Variants in IRX6 observed in about 807,000 individuals in gnomAD.
IRX6 encodes the protein iroquois homeobox 6.
In IRX6, 46 loss-of-function variants were observed where a neutral mutation model predicts 47.7. That is an observed-to-expected ratio of 0.96 (90% confidence interval 0.76 to 1.23). The LOEUF (loss-of-function observed/expected upper bound fraction) is 1.23, where lower values mean the gene tolerates loss of function less well. Ranked by LOEUF, IRX6 falls within the 50% of genes most tolerant of loss-of-function variation. The probability of loss-of-function intolerance (pLI) is 0.00; values close to 1 mark genes in which losing one functional copy is unlikely to be tolerated. For missense variants in IRX6, 722 were observed against 588.0 expected, an observed-to-expected ratio of 1.23 and a Z score of -2.36; for synonymous variants, 265 against 246.2, an observed-to-expected ratio of 1.08 and a Z score of -0.72.
Position 55,327,324 on chromosome 16 carries a change from C to G in IRX6, c.332C>G (p.Ala111Gly). Reference sequence around the variant, plus strand: ...CCACAGTATGAATTTAAGGAGGCTGCAGGGAGTTTTACATCCAGCCTGGCA... The same window carrying G: ...CCACAGTATGAATTTAAGGAGGCTGGAGGGAGTTTTACATCCAGCCTGGCA... ...LNPQYEFKEA[A>G]GSFTSSLAQP... The change falls in exon 3 of 6, where the codon GCA becomes GGA. Residue 111 changes from alanine (A) to glycine (G), a missense_variant. Physicochemically the swap from Ala to Gly is moderately conservative, Grantham distance 60. Coordinates refer to ENST00000290552, the MANE Select transcript of IRX6 (RefSeq NM_024335.3). 1 of 1,613,798 alleles carries G rather than the reference C, an allele frequency of 6.2e-7. No homozygotes were observed. Among genetic ancestry groups the G allele is most frequent in the Non-Finnish European group, 8.5e-7 (1 of 1,179,744 alleles).
Position 55,329,002 on chromosome 16 carries a change from C to A in IRX6, c.1024C>A (p.His342Asn), listed in dbSNP as rs201529067. The A allele has an allele frequency of 7.9e-5, 127 of 1,613,806 alleles. No homozygotes were observed. Among genetic ancestry groups the A allele is most frequent in the Non-Finnish European group, 1.1e-4 (126 of 1,180,002 alleles). ...GACAGGCAGCCCTAGGTTGACCATG[C>A]ACTACCCATGCTTGGAGAAACCGCG... ...AETGSPRLTM[H>N]YPCLEKPRIW... Residue 342 changes from histidine to asparagine, a missense_variant, in exon 5 of 6, where the codon CAC becomes AAC. Physicochemically the swap from His to Asn is moderately conservative, Grantham distance 68. Transcript: ENST00000290552.
Position 55,330,551 on chromosome 16 carries a change from G to A in IRX6, c.*246G>A. 2 of 566,832 alleles carry A rather than the reference G, an allele frequency of 3.5e-6. No individual in the cohort carries two copies. The highest frequency in any genetic ancestry group is 6.3e-6 in the Non-Finnish European group (2 of 317,630). 35.1% of individuals were successfully genotyped at this position (566,832 alleles called of 1,614,324 possible). ...CTTGGGGAAGGCCAAGTGGGAGGCTGGGAGGCTGCCCCACCCACCGACTCT... is the reference window on the plus strand; with the variant it reads ...CTTGGGGAAGGCCAAGTGGGAGGCTAGGAGGCTGCCCCACCCACCGACTCT... On this transcript the variant is annotated 3_prime_UTR_variant, in exon 6 of 6. Coordinates refer to ENST00000290552, the MANE Select transcript of IRX6 (RefSeq NM_024335.3).
At position 55,325,530 on chromosome 16, in the gene IRX6, G is replaced by GGAAGGAAAGAGAGAGA. The variant is rs1491427085; in HGVS notation, c.45+396_45+397insAGGAAAGAGAGAGAGA. On this transcript the variant is annotated intron_variant, in intron 1 of 5. Coordinates refer to ENST00000290552, the MANE Select transcript of IRX6 (RefSeq NM_024335.3). The stretch of plus-strand genomic sequence containing the variant: ...AGGAAGGAAGGAAGGAAGGAAGGAA[G>GGAAGGAAAGAGAGAGA]GAGAGAGAGAGAGAGAGAGAGAGAG... Among the ~76,000 whole-genome samples the GGAAGGAAAGAGAGAGA allele has an allele frequency of 4.4e-4, 4 of 9,084 alleles. 1 individual carries two copies. The highest frequency in any genetic ancestry group is 3.0e-3 in the African/African-American group (4 of 1,312). The allele number at this position is 9,084 out of a possible 152,430, so 6.0% of individuals were successfully genotyped here.
At position 55,327,630 on chromosome 16, in the gene IRX6, C is replaced by CTGTA. The variant is rs1960556959; in HGVS notation, c.458_459insTGTA (p.Thr154ValfsTer24). The CTGTA allele has an allele frequency of 1.2e-6, 2 of 1,610,796 alleles. No individual in the cohort carries two copies. Among genetic ancestry groups the CTGTA allele is most frequent in the Non-Finnish European group, 1.7e-6 (2 of 1,179,230 alleles). ...AGTGGCGCCGGTCGCCGAAAGAACG[C>CTGTA]GACCCGGGAGACCACCAGTACACTC... On this transcript the variant is annotated frameshift_variant, in exon 4 of 6. Transcript: ENST00000290552. LOFTEE classifies it high-confidence loss of function.
Position 55,325,154 on chromosome 16 carries a change from G to C in IRX6, c.45+18G>C, listed in dbSNP as rs754855534. The C allele has an allele frequency of 6.2e-7, 1 of 1,612,816 alleles. No homozygotes were observed. Among genetic ancestry groups the C allele is most frequent in the Non-Finnish European group, 8.5e-7 (1 of 1,179,310 alleles). On this transcript the variant is annotated intron_variant, in intron 1 of 5. Coordinates refer to ENST00000290552, the MANE Select transcript of IRX6 (RefSeq NM_024335.3). The stretch of plus-strand genomic sequence containing the variant: ...CTTCCCAGGTAAGAGGCGCCTCTAT[G>C]GGGGATAGGGGACAGACTGGGTGGA...
Position 55,325,530 on chromosome 16 carries a change from G to GGAAGGAAGGAAAGAGAGAGAGAGA in IRX6, c.45+396_45+397insAGGAAGGAAAGAGAGAGAGAGAGA. ...AGGAAGGAAGGAAGGAAGGAAGGAA[G>GGAAGGAAGGAAAGAGAGAGAGAGA]GAGAGAGAGAGAGAGAGAGAGAGAG... On this transcript the variant is annotated intron_variant, in intron 1 of 5. Coordinates refer to ENST00000290552, the MANE Select transcript of IRX6 (RefSeq NM_024335.3). Among the ~76,000 whole-genome samples, 2 of 9,084 alleles carry GGAAGGAAGGAAAGAGAGAGAGAGA rather than the reference G, an allele frequency of 2.2e-4. 1 individual carries two copies. The highest frequency in any genetic ancestry group is 1.5e-3 in the African/African-American group (2 of 1,312). The allele number at this position is 9,084 out of a possible 152,430, so 6.0% of individuals were successfully genotyped here. A position where few individuals can be genotyped will look rare whatever the true frequency, so the allele number is the denominator to read the frequency against.
chr16:55,326,297 G>A lies in IRX6; in HGVS notation c.46-39G>A, dbSNP rs749765153. On this transcript the variant is annotated intron_variant, in intron 1 of 5. Transcript: ENST00000290552. Reference sequence around the variant, plus strand: ...GGAGCGGGGGCGGGGGTGGGGGGGGGGTCTCTGACCTCCAGTGCCCTCTTT... The same window carrying A: ...GGAGCGGGGGCGGGGGTGGGGGGGGAGTCTCTGACCTCCAGTGCCCTCTTT... 22 of 1,409,378 alleles carry A rather than the reference G, an allele frequency of 1.6e-5. 1 individual carries two copies. The South Asian group carries it at 2.4e-4, about 15-fold the overall frequency. The allele number at this position is 1,409,378 out of a possible 1,614,324, so 87.3% of individuals were successfully genotyped here. A position where few individuals can be genotyped will look rare whatever the true frequency, so the allele number is the denominator to read the frequency against.
rs1179276953 is a variant in IRX6, at chr16:55,327,944, C to T, written c.721+51C>T. On this transcript the variant is annotated intron_variant, in intron 4 of 5. Transcript: ENST00000290552. ...CTTAAGGGTTTTACAAGTCATCAAGCAGTTTGGTCTTTCAAAAGCTGCCCT... is the reference window on the plus strand; with the variant it reads ...CTTAAGGGTTTTACAAGTCATCAAGTAGTTTGGTCTTTCAAAAGCTGCCCT... 3 of 1,530,586 alleles carry T rather than the reference C, an allele frequency of 2.0e-6. No individual in the cohort carries two copies. In the South Asian group the frequency reaches 3.9e-5, roughly 20 times the overall value. 94.8% of individuals were successfully genotyped at this position (1,530,586 alleles called of 1,614,324 possible).
At chr16:55,325,444 G>T (rs1275120971) in intron 1 of IRX6, among the ~76,000 whole-genome samples, 1 of 145,970 alleles carries the variant, frequency 6.9e-6, no homozygotes, top group Non-Finnish European at 1.5e-5. Flanking sequence ...TGAGGTGGCC[G>T]GGAGAGAAAG....
chr16:55,327,571 G>A lies in IRX6; in HGVS notation c.414-15G>A, dbSNP rs748347090. 3 of 1,584,542 alleles carry A rather than the reference G, an allele frequency of 1.9e-6. No individual in the cohort carries two copies. Among genetic ancestry groups the A allele is most frequent in the Middle Eastern group, 1.8e-4 (1 of 5,498 alleles). ...TGTTCCTCTTCTATAATGTGAGCCA[G>A]GTTCTCCCCCACAGGTATGGCGCAG... is the stretch of plus-strand genomic sequence containing the variant. On this transcript the variant is annotated splice_polypyrimidine_tract_variant and intron_variant, in intron 3 of 5. Coordinates refer to ENST00000290552, the MANE Select transcript of IRX6 (RefSeq NM_024335.3).
At chr16:55,325,530 G>GGAGAGAGAGAGAGA (rs750802559) in intron 1 of IRX6, among the ~76,000 whole-genome samples, 11 of 9,080 alleles carry the variant, frequency 1.2e-3, no homozygotes, top group African/African-American at 1.5e-3. Context: ...AAGGAAGGAA[G>GGAGAGAGAGAGAGA]GAGAGAGAGA....
Position 55,328,939 on chromosome 16 carries a change from C to T in IRX6, c.961C>T (p.Pro321Ser). The T allele has an allele frequency of 6.2e-7, 1 of 1,613,504 alleles. No homozygotes were observed. The highest frequency in any genetic ancestry group is 2.2e-5 in the East Asian group (1 of 44,864). ...LAAPRFSFND[P>S]SGSEEADFLS... is the part of the protein sequence containing the mutation. ...TGCGCCCCGCTTCTCCTTCAATGAC[C>T]CTTCCGGATCGGAAGAAGCTGACTT... Residue 321 changes from proline to serine, a missense_variant, in exon 5 of 6, where the codon CCT becomes TCT. Physicochemically the swap from Pro to Ser is moderately conservative, Grantham distance 74 (BLOSUM62 -1). Transcript: ENST00000290552.
Position 55,328,837 on chromosome 16 carries a change from A to T in IRX6, c.859A>T (p.Lys287Ter), listed in dbSNP as rs772577766. Residue 287 changes from lysine (K) to a stop codon, truncating the protein, a stop_gained, in exon 5 of 6, where the codon AAG becomes TAG. Coordinates refer to ENST00000290552, the MANE Select transcript of IRX6 (RefSeq NM_024335.3). LOFTEE classifies it high-confidence loss of function. ...TGGGGACAGGCTGACGGAGTTCCGA[A>T]AGGGCGCGCAGTCACTGCCTGGGCC... ...TAGDRLTEFRKGAQSLPGPCA... is the reference protein window; with the variant it reads ...TAGDRLTEFR The T allele has an allele frequency of 1.2e-6, 2 of 1,612,866 alleles. No individual in the cohort carries two copies. Among genetic ancestry groups the T allele is most frequent in the South Asian group, 2.2e-5 (2 of 91,078 alleles).
At chr16:55,325,169 G>C in intron 1 of IRX6, 33 bp downstream of exon 1, 1 of 1,608,698 alleles carries the variant, frequency 6.2e-7, no homozygotes, top group Non-Finnish European at 8.5e-7. Context: ...ATAGGGGACA[G>C]ACTGGGTGGA....
Position 55,328,891 on chromosome 16 carries a change from G to C in IRX6, c.913G>C (p.Glu305Gln), listed in dbSNP as rs779437965. ...CGCTGCAGCTCGAGAGGGCCGATTG[G>C]AGCGCAGGGAGTGCGGCCTGGCTGC... ...PCAAAREGRL[E>Q]RRECGLAAPR... The change falls in exon 5 of 6, where the codon GAG becomes CAG. Residue 305 changes from glutamate (E) to glutamine (Q), a missense_variant. Glu to Gln is a conservative substitution (Grantham distance 29, BLOSUM62 2). Transcript: ENST00000290552. 1.2e-6 allele frequency: 2 copies of C among 1,613,090 alleles called. No homozygotes were observed. Among genetic ancestry groups the C allele is most frequent in the Admixed American group, 1.7e-5 (1 of 60,030 alleles).
chr16:55,327,190 G>A (rs1347596540), intron 2 of IRX6, 106 bp from the exon 3 acceptor site: 7 of 763,644 alleles, frequency 9.2e-6, no homozygotes, highest in South Asian at 1.6e-5. Flanking sequence ...AAGGTCACAC[G>A]GCCAGTACCA....
rs549847145 is a variant in IRX6 at position 55,327,329 on chromosome 16, A to G, written c.337A>G (p.Ser113Gly). 6.2e-7 allele frequency: 1 copy of G among 1,613,876 alleles called. No individual in the cohort carries two copies. The highest frequency in any genetic ancestry group is 8.5e-7 in the Non-Finnish European group (1 of 1,179,862). ...PQYEFKEAAGSFTSSLAQPGA... is the reference protein window; with the variant it reads ...PQYEFKEAAGGFTSSLAQPGA... ...GTATGAATTTAAGGAGGCTGCAGGG[A>G]GTTTTACATCCAGCCTGGCACAACC... The change falls in exon 3 of 6, where the codon AGT becomes GGT. Residue 113 changes from serine to glycine, a missense_variant. By Grantham distance (56) the Ser-to-Gly change is moderately conservative (BLOSUM62 0). Transcript: ENST00000290552.
Position 55,324,923 on chromosome 16 carries a change from C to T in IRX6, c.-169C>T. ...CTTCCGGAGCGCAGGGCTCGGCAGC[C>T]GGGCTGCCCTCGGCTCTGCCTCCAC... On this transcript the variant is annotated 5_prime_UTR_variant, in exon 1 of 6. Transcript: ENST00000290552. The surrounding 1 kb of genome is among the most constrained non-coding windows in gnomAD (Gnocchi z 4.4). 1 of 664,152 alleles carries T rather than the reference C, an allele frequency of 1.5e-6. No homozygotes were observed. The highest frequency in any genetic ancestry group is 1.9e-5 in the South Asian group (1 of 53,628). 41.1% of individuals were successfully genotyped at this position (664,152 alleles called of 1,614,324 possible).
In IRX6 at chr16:55,327,772, A is replaced by G; in HGVS notation, c.600A>G (p.Ala200=). 2 of 1,612,484 alleles carry G rather than the reference A, an allele frequency of 1.2e-6. No individual in the cohort carries two copies. Among genetic ancestry groups the G allele is most frequent in the Non-Finnish European group, 1.7e-6 (2 of 1,179,890 alleles). ...AGGTGTCCACCTGGTTCGCCAACGCACGCCGGCGCCTCAAGAAAGAGAACA... is the reference window on the plus strand; with the variant it reads ...AGGTGTCCACCTGGTTCGCCAACGCGCGCCGGCGCCTCAAGAAAGAGAACA... ...LTQVSTWFAN[A]RRRLKKENKM... Residue 200 remains alanine (A), a synonymous_variant, in exon 4 of 6, where the codon GCA becomes GCG. Transcript: ENST00000290552.
Sources: gnomAD v4.1 joint callset for allele counts (sites outside exome capture counted in the v4.1 genomes callset) on GRCh38, gnomAD v4.1.1 for gene constraint, Gnocchi (gnomAD v3.1) non-coding constraint, MANE v1.5 for transcripts, NCBI Gene and HGNC (gene_info 2026-07-23, HGNC 2026-07-21) for gene names.